SPECC1L: variants seen among roughly 807,000 people sequenced by gnomAD.
SPECC1L encodes cytospin-A.
SPECC1L carries 40 observed loss-of-function variants against 116.8 expected under a neutral mutation model. That is an observed-to-expected ratio of 0.34 (90% CI 0.27 to 0.45). The LOEUF is 0.45. SPECC1L is among the 20% of genes least tolerant of loss of function. The probability of loss-of-function intolerance (pLI) is 1.00; values close to 1 mark genes in which losing one functional copy is unlikely to be tolerated. For synonymous variants in SPECC1L, 504 were observed against 500.6 expected, an observed-to-expected ratio of 1.01 and a Z score of -0.09; for missense variants, 1,110 against 1,373.6, an observed-to-expected ratio of 0.81 and a Z score of 3.03.
chr22:24,351,988 CAA>C (rs796082803), intron 11 of SPECC1L, among the ~76,000 whole-genome samples: 1 of 139,450 alleles, frequency 7.2e-6, no homozygotes, highest in African/African-American at 2.6e-5. Context: ...GACTCTGTCT[CAA>C]AAAAAAAAAG....
intron 14 of SPECC1L, among the ~76,000 whole-genome samples, chr22:24,385,629 A>G (rs2042147177): frequency 6.6e-6 from 1 of 152,236 alleles, no homozygotes. Flanking sequence ...GAATTAAAAC[A>G]ATAACAATAG....
At chr22:24,297,086 C>T (rs989553035) in intron 2 of SPECC1L, among the ~76,000 whole-genome samples, 1 of 148,880 alleles carries the variant, frequency 6.7e-6, no homozygotes, top group Non-Finnish European at 1.5e-5. Context: ...AAGAGATGTG[C>T]CACCACGCTC....
intron 7 of SPECC1L, 120 bp from the exon 8 acceptor site, chr22:24,330,136 T>A (rs760819547): frequency 9.1e-6 from 9 of 991,086 alleles, no homozygotes; most frequent in Non-Finnish European, 1.4e-5. Context: ...ATTAAAAAAA[T>A]TAATCATCAT....
Position 24,363,378 on chromosome 22 carries a change from G to T in SPECC1L, c.2827+34G>T, listed in dbSNP as rs779059279. 1.9e-6 allele frequency: 3 copies of T among 1,586,788 alleles called. No homozygotes were observed. In the African/African-American group the frequency reaches 4.0e-5, roughly 21 times the overall value. On this transcript the variant is annotated intron_variant, in intron 12 of 16. Transcript: ENST00000314328. The stretch of plus-strand genomic sequence containing the variant: ...TTTCATCTGAATTTTTGTTGTATTT[G>T]TTGTTTTTTAGAGACAGGATCTCAC...
At chr22:24,404,317 C>T (rs1288735786) in intron 14 of SPECC1L, among the ~76,000 whole-genome samples, 3 of 152,198 alleles carry the variant, frequency 2.0e-5, no homozygotes, top group Non-Finnish European at 4.4e-5. Flanking sequence ...CTTTCTGTCT[C>T]TCCGCACTGC....
intron 8 of SPECC1L, among the ~76,000 whole-genome samples, 199 bp downstream of exon 8, chr22:24,330,630 T>C (rs1569423605): frequency 6.6e-6 from 1 of 152,214 alleles, no homozygotes; most frequent in Admixed American, 6.5e-5. Context: ...TTCAGAGTTG[T>C]CAGTATCAGT....
chr22:24,309,033 A>G (rs2049560261), intron 3 of SPECC1L, among the ~76,000 whole-genome samples: 1 of 152,164 alleles, frequency 6.6e-6, no homozygotes, highest in Non-Finnish European at 1.5e-5. Flanking sequence ...TTTCGGTCCC[A>G]GCCCTAGAAT....
At chr22:24,413,825 G>A (rs533961155) in intron 16 of SPECC1L, among the ~76,000 whole-genome samples, 7 of 152,188 alleles carry the variant, frequency 4.6e-5, no homozygotes, top group African/African-American at 9.6e-5. Flanking sequence ...CTGATCCTGC[G>A]TGCTCAGCCA....
intron 14 of SPECC1L, among the ~76,000 whole-genome samples, chr22:24,404,506 C>T (rs116031636): frequency 0.034 from 5,124 of 152,280 alleles, 175 homozygotes; most frequent in African/African-American, 0.082. Flanking sequence ...AAGGCCCATC[C>T]GGAGCACTGC....
rs537470691 is a variant in SPECC1L, at chr22:24,389,812, A to G, written c.3087+20492A>G. Among the ~76,000 whole-genome samples the G allele has an allele frequency of 5.3e-5, 8 of 152,292 alleles. No homozygotes were observed. The South Asian group carries it at 1.4e-3, about 28-fold the overall frequency. ...AAAGGAAGTGCTCTTTATAAATTGT[A>G]TGAAGTATTAAGTATGGTACTTGCT... On this transcript the variant is annotated intron_variant, in intron 14 of 16. Transcript: ENST00000314328.
At chr22:24,301,994 C>T (rs1265697396) in intron 2 of SPECC1L, among the ~76,000 whole-genome samples, 3 of 151,046 alleles carry the variant, frequency 2.0e-5, no homozygotes, top group Non-Finnish European at 4.4e-5. Context: ...TGCAGTGAGC[C>T]GAGATAGTGC....
chr22:24,356,292 G>A (rs1259281320), intron 11 of SPECC1L, among the ~76,000 whole-genome samples: 1 of 151,826 alleles, frequency 6.6e-6, no homozygotes. Flanking sequence ...GTCTAGTTGT[G>A]GATTTCTATT....
At chr22:24,314,081 G>T (rs2040513311) in intron 4 of SPECC1L, among the ~76,000 whole-genome samples, 1 of 151,240 alleles carries the variant, frequency 6.6e-6, no homozygotes, top group Non-Finnish European at 1.5e-5. Context: ...GTTTCGCTCT[G>T]TCACCCAGAC....
chr22:24,316,533 G>A (rs887910360), intron 4 of SPECC1L, among the ~76,000 whole-genome samples: 8 of 150,698 alleles, frequency 5.3e-5, no homozygotes, highest in African/African-American at 9.9e-5. Flanking sequence ...ATCTTGCACC[G>A]CCCTTAATCC....
intron 6 of SPECC1L, among the ~76,000 whole-genome samples, chr22:24,328,406 CT>C (rs1286541398): frequency 2.6e-5 from 4 of 152,038 alleles, no homozygotes; most frequent in African/African-American, 9.7e-5. Flanking sequence ...ATATTTTTTA[CT>C]AATTTTGATT....
chr22:24,329,151 TA>T (rs2040887492), intron 7 of SPECC1L, among the ~76,000 whole-genome samples: 1 of 152,228 alleles, frequency 6.6e-6, no homozygotes, highest in South Asian at 2.1e-4. Flanking sequence ...TTCTGAAATC[TA>T]AAATATTCCA....
chr22:24,402,871 A>G (rs935467935), intron 14 of SPECC1L, among the ~76,000 whole-genome samples: 2 of 152,196 alleles, frequency 1.3e-5, no homozygotes, highest in Non-Finnish European at 1.5e-5. Context: ...AAACATTTAG[A>G]GATCTTTTAT....
At chr22:24,376,548 G>A (rs1161481554) in intron 14 of SPECC1L, among the ~76,000 whole-genome samples, 3 of 152,228 alleles carry the variant, frequency 2.0e-5, no homozygotes, top group African/African-American at 7.2e-5. Context: ...ACAAAACATT[G>A]CTGAAAGAAA....
At chr22:24,398,079 G>C (rs2042400981) in intron 14 of SPECC1L, among the ~76,000 whole-genome samples, 1 of 152,194 alleles carries the variant, frequency 6.6e-6, no homozygotes, top group African/African-American at 2.4e-5. Context: ...CTGAAATTTG[G>C]GGGTACTGGC....
Sources: allele counts gnomAD v4.1 joint callset (sites outside exome capture counted in the v4.1 genomes callset), GRCh38; gene constraint gnomAD v4.1.1; transcripts MANE v1.5; gene names NCBI Gene and HGNC (gene_info 2026-07-23, HGNC 2026-07-21).